The following SRGAP1 variants were observed in gnomAD, a reference collection of about 807,000 sequenced individuals.
The protein encoded by SRGAP1 is SLIT-ROBO Rho GTPase activating protein 1.
Under a neutral mutation model 121.9 loss-of-function variants are expected in SRGAP1, and 43 were observed. The ratio of observed to expected loss-of-function variants is 0.35; its 90% CI spans 0.28 to 0.46. The LOEUF is 0.46. Ranked by LOEUF, SRGAP1 falls within the 20% of genes least tolerant of loss-of-function variation. SRGAP1 has a pLI of 1.00. For missense variants in SRGAP1, 1,102 were observed against 1,350.9 expected, an observed-to-expected ratio of 0.82 and a Z score of 2.89; for synonymous variants, 447 against 485.4, an observed-to-expected ratio of 0.92 and a Z score of 1.04.
At chr12:63,850,750 T>C (rs888821418) in intron 1 of SRGAP1, among the ~76,000 whole-genome samples, 3 of 152,116 alleles carry the variant, frequency 2.0e-5, no homozygotes, top group African/African-American at 7.2e-5. Context: ...AAAATTTTAT[T>C]CATGCTACCT....
At chr12:64,112,823 A>G (rs2036451376) in intron 17 of SRGAP1, among the ~76,000 whole-genome samples, 1 of 152,176 alleles carries the variant, frequency 6.6e-6, no homozygotes, top group African/African-American at 2.4e-5. Flanking sequence ...TTACTCATAT[A>G]TGGAGCTAAA....
intron 1 of SRGAP1, among the ~76,000 whole-genome samples, chr12:63,890,176 A>T (rs1281118075): frequency 6.6e-6 from 1 of 152,086 alleles, no homozygotes; most frequent in Non-Finnish European, 1.5e-5. Context: ...CTTAGCTCAC[A>T]CCTCTCCCAC....
At chr12:63,950,760 G>T (rs1428486641) in intron 1 of SRGAP1, among the ~76,000 whole-genome samples, 1 of 152,138 alleles carries the variant, frequency 6.6e-6, no homozygotes, top group Admixed American at 6.5e-5. Flanking sequence ...AAATGGAGCA[G>T]AAACATTTGA....
At chr12:63,975,263 G>A (rs895378587) in intron 1 of SRGAP1, among the ~76,000 whole-genome samples, 3 of 152,194 alleles carry the variant, frequency 2.0e-5, no homozygotes, top group East Asian at 1.9e-4. Flanking sequence ...CAGACACTCC[G>A]TATTCTGTAC....
At chr12:64,050,890 T>C (rs2035226860) in intron 6 of SRGAP1, among the ~76,000 whole-genome samples, 1 of 151,942 alleles carries the variant, frequency 6.6e-6, no homozygotes, top group African/African-American at 2.4e-5. Flanking sequence ...CCCGGCTAAT[T>C]GTTTTGTATT....
At chr12:64,112,807 A>G (rs1337317839) in intron 17 of SRGAP1, among the ~76,000 whole-genome samples, 3 of 152,176 alleles carry the variant, frequency 2.0e-5, no homozygotes, top group Non-Finnish European at 4.4e-5. Context: ...CAAATATCAC[A>G]TGTTCTTACT....
rs1318563578 is a variant in SRGAP1 at position 64,159,598 on chromosome 12, C to T, written c.*16926C>T. On this transcript the variant is annotated 3_prime_UTR_variant, in exon 22 of 22. Coordinates refer to ENST00000355086, the MANE Select transcript of SRGAP1 (RefSeq NM_020762.4). ...ACGCTGCAGTGAGCTGAGATCATACCTCTGCACTTCAGCCTGGGTGACAGA... is the reference window on the plus strand; with the variant it reads ...ACGCTGCAGTGAGCTGAGATCATACTTCTGCACTTCAGCCTGGGTGACAGA... The T allele has an allele frequency of 2.0e-5, 3 of 152,314 alleles. No homozygotes were observed. Among genetic ancestry groups the T allele is most frequent in the Non-Finnish European group, 2.9e-5 (2 of 68,146 alleles). The allele number at this position is 152,314 out of a possible 1,614,324, so 9.4% of individuals were successfully genotyped here. A position where few individuals can be genotyped will look rare whatever the true frequency, so the allele number is the denominator to read the frequency against.
intron 1 of SRGAP1, among the ~76,000 whole-genome samples, chr12:63,892,190 T>TTC (rs1900608973): frequency 6.6e-6 from 1 of 152,294 alleles, no homozygotes; most frequent in Non-Finnish European, 1.5e-5. Flanking sequence ...CATTCCCTCC[T>TTC]TCCCTACCTC....
intron 4 of SRGAP1, chr12:64,038,619 A>T (rs916135809): frequency 1.3e-5 from 2 of 152,224 alleles, no homozygotes; most frequent in African/African-American, 4.8e-5. Context: ...GTAGTGTCAG[A>T]TACATGATAT....
chr12:64,114,675 G>T (rs1026040994), intron 17 of SRGAP1, among the ~76,000 whole-genome samples: 1 of 152,068 alleles, frequency 6.6e-6, no homozygotes, highest in African/African-American at 2.4e-5. Context: ...AAATATTAGG[G>T]CTATGTCAGT....
At chr12:63,863,573 C>T (rs1014117787) in intron 1 of SRGAP1, among the ~76,000 whole-genome samples, 5 of 152,126 alleles carry the variant, frequency 3.3e-5, no homozygotes, top group Non-Finnish European at 5.9e-5. Flanking sequence ...CGCCCAGCCA[C>T]AGTTGCTCCA....
chr12:64,139,299 T>G lies in SRGAP1; in HGVS notation c.2881-2996T>G, dbSNP rs1483164804. Among the ~76,000 whole-genome samples the G allele has an allele frequency of 2.0e-5, 3 of 152,354 alleles. No individual in the cohort carries two copies. The East Asian group carries it at 5.8e-4, about 29-fold the overall frequency. Reference sequence around the variant, plus strand: ...TGGAAAACTGTATCAGGGGAAGACTTAAACTGAATTTCGAAGAACTTCTTG... The same window carrying G: ...TGGAAAACTGTATCAGGGGAAGACTGAAACTGAATTTCGAAGAACTTCTTG... On this transcript the variant is annotated intron_variant, in intron 21 of 21. Transcript: ENST00000355086.
chr12:63,857,527 G>T (rs1899296032), intron 1 of SRGAP1, among the ~76,000 whole-genome samples: 1 of 151,798 alleles, frequency 6.6e-6, no homozygotes, highest in Non-Finnish European at 1.5e-5. Context: ...TATTACAGGT[G>T]TGCACCACCA....
intron 12 of SRGAP1, among the ~76,000 whole-genome samples, chr12:64,094,379 T>C (rs1367598276): frequency 6.6e-6 from 1 of 152,224 alleles, no homozygotes; most frequent in Non-Finnish European, 1.5e-5. Context: ...TCTTATTCCT[T>C]AAAATATGAC....
chr12:63,959,175 G>A (rs559101398), intron 1 of SRGAP1, among the ~76,000 whole-genome samples: 4 of 152,178 alleles, frequency 2.6e-5, no homozygotes, highest in African/African-American at 4.8e-5. Context: ...TACCCTAATC[G>A]TCTGATTTAA....
chr12:64,154,146 A>C lies in SRGAP1; in HGVS notation c.*11474A>C, dbSNP rs2037145979. On this transcript the variant is annotated 3_prime_UTR_variant, in exon 22 of 22. Coordinates refer to ENST00000355086, the MANE Select transcript of SRGAP1 (RefSeq NM_020762.4). ...TGATTGCCAGGGATCGGGATGAGGA[A>C]GAAAATGGAAATTGTTGTTCAGTGT... 1 of 152,254 alleles carries C rather than the reference A, an allele frequency of 6.6e-6. No homozygotes were observed. Among genetic ancestry groups the C allele is most frequent in the Admixed American group, 6.5e-5 (1 of 15,284 alleles). The allele number at this position is 152,254 out of a possible 1,614,324, so 9.4% of individuals were successfully genotyped here.
rs560795718 is a variant in SRGAP1, at chr12:64,024,026, A to G, written c.489+7014A>G. On this transcript the variant is annotated intron_variant, in intron 4 of 21. Coordinates refer to ENST00000355086, the MANE Select transcript of SRGAP1 (RefSeq NM_020762.4). ...AAACCTGAGCTAAAAGAATCAGTAA[A>G]ACTCTCACACTTCATTCTATGATGG... Among the ~76,000 whole-genome samples, 4 of 152,256 alleles carry G rather than the reference A, an allele frequency of 2.6e-5. No homozygotes were observed. In the South Asian group the frequency reaches 8.3e-4, roughly 32 times the overall value.
At chr12:64,074,343 T>C (rs1420570373) in intron 8 of SRGAP1, among the ~76,000 whole-genome samples, 2 of 152,260 alleles carry the variant, frequency 1.3e-5, no homozygotes, top group East Asian at 3.8e-4. Context: ...TAGGTATCAG[T>C]GGCTCCCTGT....
At chr12:63,853,166 C>T (rs1899130871) in intron 1 of SRGAP1, among the ~76,000 whole-genome samples, 1 of 151,790 alleles carries the variant, frequency 6.6e-6, no homozygotes. Context: ...AGTACAGGCA[C>T]CCGCCACCAT....
Sources: gnomAD v4.1 joint callset for allele counts (sites outside exome capture counted in the v4.1 genomes callset) on GRCh38, gnomAD v4.1.1 for gene constraint, MANE v1.5 for transcripts, NCBI Gene and HGNC (gene_info 2026-07-23, HGNC 2026-07-21) for gene names.